The following ABCC6 variants were observed in gnomAD, a reference collection of about 807,000 sequenced individuals.
The protein encoded by ABCC6 is ATP-binding cassette sub-family C member 6.
In ABCC6, 126 loss-of-function variants were observed where a neutral mutation model predicts 169.5. That is an observed-to-expected ratio of 0.74 (90% CI 0.64 to 0.86). The LOEUF is 0.86. Ranked by LOEUF, ABCC6 falls within the 40% of genes least tolerant of loss-of-function variation. The pLI, the probability that ABCC6 is intolerant of heterozygous loss-of-function variation, is 0.00. For missense variants in ABCC6, 1,733 were observed against 1,927.2 expected (o/e 0.90, Z 1.89); for synonymous variants, 752 against 814.7 (o/e 0.92, Z 1.31).
chr16:16,158,246 G>A (rs1166999520), intron 26 of ABCC6, among the ~76,000 whole-genome samples: 1 of 152,096 alleles, frequency 6.6e-6, no homozygotes, highest in East Asian at 1.9e-4. Flanking sequence ...TGTTTGCAAT[G>A]GACCAGGCAC....
rs4369696 is a variant in ABCC6, at chr16:16,187,297, C to A, written c.1780-86G>T. 502,256 of 1,093,322 alleles carry A rather than the reference C, an allele frequency of 0.46. 119,546 individuals carry two copies. The highest frequency in any genetic ancestry group is 0.5 in the Non-Finnish European group (369,322 of 733,264). 67.7% of individuals were successfully genotyped at this position (1,093,322 alleles called of 1,614,324 possible). A position where few individuals can be genotyped will look rare whatever the true frequency, so the allele number is the denominator to read the frequency against. ...GTCGGTGTCTCAAGATGTGTGGCAA[C>A]AGCTTCCTGTCTACCAAGCTCTGTG... On this transcript the variant is annotated intron_variant, in intron 13 of 30. Coordinates refer to ENST00000205557, the MANE Select transcript of ABCC6 (RefSeq NM_001171.6).
intron 9 of ABCC6, among the ~76,000 whole-genome samples, chr16:16,199,976 G>A (rs929565391): frequency 2.6e-5 from 4 of 151,950 alleles, no homozygotes; most frequent in African/African-American, 9.7e-5. Flanking sequence ...GGTGAGGCAG[G>A]ACAATTGCTT....
rs541755648 is a variant in ABCC6, at chr16:16,209,534, T to G, written c.663-675A>C. Among the ~76,000 whole-genome samples, 6 of 151,982 alleles carry G rather than the reference T, an allele frequency of 3.9e-5. No individual in the cohort carries two copies. In the South Asian group the frequency reaches 1.2e-3, roughly 32 times the overall value. Reference sequence around the variant, plus strand: ...AGGGAAACAGACATTTCCCTGGGAATCAGAAGTCCGTTGACCAAAACTATC... The same window carrying G: ...AGGGAAACAGACATTTCCCTGGGAAGCAGAAGTCCGTTGACCAAAACTATC... On this transcript the variant is annotated intron_variant, in intron 6 of 30. Transcript: ENST00000205557.
chr16:16,174,105 C>T (rs572275162), intron 20 of ABCC6, among the ~76,000 whole-genome samples: 1 of 152,148 alleles, frequency 6.6e-6, no homozygotes, highest in Non-Finnish European at 1.5e-5. Flanking sequence ...TGTCTACCTA[C>T]CTTCTATTAA....
intron 22 of ABCC6, among the ~76,000 whole-genome samples, chr16:16,168,113 C>G (rs1251097203): frequency 6.6e-6 from 1 of 151,408 alleles, no homozygotes; most frequent in African/African-American, 2.4e-5. Context: ...GGGGAGGTCA[C>G]AGGCTCACAG....
Position 16,150,077 on chromosome 16 carries a change from C to T in ABCC6, c.*56G>A. Reference sequence around the variant, plus strand: ...CGATGACCACGGGTCACTTCCATCTCCAGCACTGCAGGCTGTGCGGGCTGG... The same window carrying T: ...CGATGACCACGGGTCACTTCCATCTTCAGCACTGCAGGCTGTGCGGGCTGG... On this transcript the variant is annotated 3_prime_UTR_variant, in exon 31 of 31. Transcript: ENST00000205557. 2 of 1,606,642 alleles carry T rather than the reference C, an allele frequency of 1.2e-6. No individual in the cohort carries two copies. The highest frequency in any genetic ancestry group is 1.3e-5 in the African/African-American group (1 of 74,932).
intron 22 of ABCC6, among the ~76,000 whole-genome samples, chr16:16,167,766 G>T (rs1457839446): frequency 1.3e-5 from 2 of 152,184 alleles, no homozygotes; most frequent in Non-Finnish European, 2.9e-5. Flanking sequence ...ACCGTATCTG[G>T]CCTGGAGCTG....
chr16:16,211,478 T>C (rs933434175), intron 6 of ABCC6, among the ~76,000 whole-genome samples: 1 of 152,210 alleles, frequency 6.6e-6, no homozygotes, highest in East Asian at 1.9e-4. Context: ...GATCTCATCT[T>C]ATTTAAGCTT....
intron 15 of ABCC6, 105 bp downstream of exon 15, chr16:16,184,854 C>T: frequency 7.8e-7 from 1 of 1,285,100 alleles, no homozygotes; most frequent in Non-Finnish European, 1.1e-6. Flanking sequence ...ACCCTCCAGT[C>T]CCAGGCTGGA....
intron 24 of ABCC6, among the ~76,000 whole-genome samples, chr16:16,162,633 C>A (rs2046753582): frequency 6.6e-6 from 1 of 152,198 alleles, no homozygotes. Flanking sequence ...TGGTAAGTGG[C>A]AGAGCTGGGA....
chr16:16,205,177 G>A (rs1490319258), intron 7 of ABCC6, among the ~76,000 whole-genome samples: 6 of 152,036 alleles, frequency 3.9e-5, no homozygotes, highest in Admixed American at 2.0e-4. Flanking sequence ...TCTGTGACCC[G>A]GGGCCACGTG....
chr16:16,154,086 A>T (rs1371877472), intron 29 of ABCC6, among the ~76,000 whole-genome samples: 2 of 151,702 alleles, frequency 1.3e-5, no homozygotes, highest in Non-Finnish European at 2.9e-5. Context: ...AGTAACTAGG[A>T]CTACAGGTGC....
rs751418161 is a variant in ABCC6, at chr16:16,150,258, G to C, written c.4404-17C>G. The C allele has an allele frequency of 1.9e-6, 3 of 1,613,842 alleles. No homozygotes were observed. Among genetic ancestry groups the C allele is most frequent in the Non-Finnish European group, 2.5e-6 (3 of 1,179,940 alleles). The stretch of plus-strand genomic sequence containing the variant: ...ACCAGAACCCTGTGGGGGAGAGGGA[G>C]ACAGAGAGGCTCTTTGGACACCAGC... On this transcript the variant is annotated splice_polypyrimidine_tract_variant and intron_variant, in intron 30 of 30. Transcript: ENST00000205557.
intron 25 of ABCC6, among the ~76,000 whole-genome samples, chr16:16,159,930 G>A (rs2046662378): frequency 3.3e-5 from 5 of 152,114 alleles, no homozygotes; most frequent in Admixed American, 2.6e-4. Context: ...CCATTCTGAC[G>A]GCTTTCTCGC....
rs8058696 is a variant in ABCC6 at position 16,185,012 on chromosome 16, G to T, written c.1890C>A (p.Thr630=). The T allele has an allele frequency of 6.8e-6, 11 of 1,612,758 alleles. No individual in the cohort carries two copies. Among genetic ancestry groups the T allele is most frequent in the South Asian group, 2.2e-5 (2 of 91,080 alleles). The stretch of plus-strand genomic sequence containing the variant: ...ACCAGGCGAAGGTGGCACTGTGTAT[G>T]GTGATGCAATCCTTCCCGGCAGCTG... ...SGSAAGKDCI[T]IHSATFAWSQ... is the part of the protein sequence containing the mutation. Residue 630 remains threonine, a synonymous_variant, in exon 15 of 31, where the codon ACC becomes ACA. Transcript: ENST00000205557.
chr16:16,212,533 C>A (rs2048670219), intron 5 of ABCC6, among the ~76,000 whole-genome samples: 1 of 151,016 alleles, frequency 6.6e-6, no homozygotes, highest in South Asian at 2.1e-4. Flanking sequence ...TGGTCTCAAA[C>A]TCCTAACCTC....
At chr16:16,197,308 A>AG (rs1490399292) in intron 10 of ABCC6, among the ~76,000 whole-genome samples, 3 of 152,080 alleles carry the variant, frequency 2.0e-5, no homozygotes, top group Non-Finnish European at 4.4e-5. Context: ...AGGCCCAGAG[A>AG]GGGTGAACTT....
chr16:16,202,859 A>G (rs1405180613), intron 8 of ABCC6, among the ~76,000 whole-genome samples: 2 of 152,232 alleles, frequency 1.3e-5, no homozygotes, highest in Non-Finnish European at 2.9e-5. Context: ...GGCTTTGGCC[A>G]ACAGAGTACA....
intron 7 of ABCC6, among the ~76,000 whole-genome samples, chr16:16,204,286 C>T (rs1364289259): frequency 1.3e-5 from 2 of 152,082 alleles, no homozygotes; most frequent in Non-Finnish European, 2.9e-5. Context: ...GAACTCCTGA[C>T]CTGAGGTGAT....
Sources: allele counts gnomAD v4.1 joint callset (sites outside exome capture counted in the v4.1 genomes callset), GRCh38; gene constraint gnomAD v4.1.1; transcripts MANE v1.5; gene names NCBI Gene and HGNC (gene_info 2026-07-23, HGNC 2026-07-21).